DYNC2I2: variants seen among roughly 807,000 people sequenced by gnomAD.
The protein encoded by DYNC2I2 is dynein 2 intermediate chain 2, also known as cytoplasmic dynein 2 intermediate chain 2.
Under a neutral mutation model 52.0 loss-of-function variants are expected in DYNC2I2, and 39 were observed. The observed-to-expected ratio is 0.75, with a 90% CI of 0.58 to 0.98. The LOEUF is 0.98. Ranked by LOEUF, DYNC2I2 falls within the 50% of genes least tolerant of loss-of-function variation. The pLI is 0.00. For synonymous variants in DYNC2I2, 359 were observed against 321.1 expected (o/e 1.12, Z -1.26); for missense variants, 743 against 728.4 (o/e 1.02, Z -0.23).
upstream of DYNC2I2, among the ~76,000 whole-genome samples, chr9:128,657,583 G>C (rs189341885): frequency 1.2e-4 from 18 of 151,930 alleles, no homozygotes; most frequent in East Asian, 3.5e-3. Flanking sequence ...CAGGAGGATC[G>C]CTTGAAGCCA....
At chr9:128,682,876 C>T in the DYNC2I2 span, among the ~76,000 whole-genome samples, 10 of 151,182 alleles carry the variant, frequency 6.6e-5, no homozygotes, top group African/African-American at 2.2e-4. Context: ...CGGGGTTTCA[C>T]CATGTTAGCC....
At chr9:128,636,144 G>A (rs549215187) in intron 4 of DYNC2I2, 137 bp downstream of exon 4, 7 of 1,329,898 alleles carry the variant, frequency 5.3e-6, no homozygotes, top group Non-Finnish European at 7.4e-6. Context: ...ACCTTCACCT[G>A]GGCTCCAGAC....
rs1048996376 is a variant in DYNC2I2 at position 128,635,658 on chromosome 9, C to G, written c.813G>C (p.Gln271His). Residue 271 changes from glutamine (Q) to histidine (H), a missense_variant and splice_region_variant, in exon 5 of 9, where the codon CAG becomes CAC. Coordinates refer to ENST00000372715, the MANE Select transcript of DYNC2I2 (RefSeq NM_052844.4). ...TDDTHTDPVS[Q>H]VVWLPEPGHS... ...CCCGCCCGGCAGCCCCTGCCCTGAC[C>G]TGGGACACAGGGTCTGTGTGGGTGT... 1.2e-6 allele frequency: 2 copies of G among 1,604,584 alleles called. No individual in the cohort carries two copies. Among genetic ancestry groups the G allele is most frequent in the Non-Finnish European group, 1.7e-6 (2 of 1,175,484 alleles).
the DYNC2I2 span, among the ~76,000 whole-genome samples, chr9:128,666,362 A>G: frequency 1.3e-5 from 2 of 149,150 alleles, no homozygotes; most frequent in African/African-American, 2.5e-5. Flanking sequence ...AGCCTTGGTG[A>G]CAGAGTGAGA....
the DYNC2I2 span, chr9:128,683,802 T>A: frequency 2.7e-6 from 3 of 1,123,596 alleles, no homozygotes; most frequent in Admixed American, 5.0e-5. Context: ...CAGTGCAGAT[T>A]TAAGCCGCTG....
chr9:128,662,497 C>T, the DYNC2I2 span, among the ~76,000 whole-genome samples: 1 of 151,932 alleles, frequency 6.6e-6, no homozygotes, highest in Non-Finnish European at 1.5e-5. Context: ...CTGCAACCTA[C>T]TTCCTGGGTT....
At position 128,634,787 on chromosome 9, in the gene DYNC2I2, C is replaced by T. The variant is rs138690108; in HGVS notation, c.1116G>A (p.Thr372=). Residue 372 remains threonine, a synonymous_variant, in exon 7 of 9, where the codon ACG becomes ACA. Coordinates refer to ENST00000372715, the MANE Select transcript of DYNC2I2 (RefSeq NM_052844.4). ...GCAGGGGCACGGAGCTGGGCATCCG[C>T]GTGAGGGCTGCCTCTCCAGCTGCCA... ...CSLAAGEAAL[T]RMPSSVPLRA... is the part of the protein sequence containing the mutation. The T allele has an allele frequency of 8.3e-4, 1,338 of 1,611,284 alleles. 21 individuals carry two copies. In the East Asian group the frequency reaches 0.023, roughly 27 times the overall value.
intron 1 of DYNC2I2, among the ~76,000 whole-genome samples, chr9:128,656,049 TAATA>T (rs1383705125): frequency 6.6e-6 from 1 of 150,756 alleles, no homozygotes; most frequent in Non-Finnish European, 1.5e-5. Context: ...CTCTACAAGA[TAATA>T]AATAAATAAA....
intron 1 of DYNC2I2, among the ~76,000 whole-genome samples, chr9:128,649,226 C>G (rs1370297803): frequency 6.6e-6 from 1 of 151,868 alleles, no homozygotes; most frequent in East Asian, 1.9e-4. Context: ...GGGAGGCTCA[C>G]GTGAGGCCAG....
rs759978014 is a variant in DYNC2I2, at chr9:128,634,812, A to C, written c.1091T>G (p.Leu364Arg). 6.2e-7 allele frequency: 1 copy of C among 1,613,226 alleles called. No homozygotes were observed. The change falls in exon 7 of 9, where the codon CTG (leucine) becomes CGG (arginine). Residue 364 changes from leucine (L) to arginine (R), a missense_variant. Transcript: ENST00000372715. Reference sequence around the variant, plus strand: ...CGTGAGGGCTGCCTCTCCAGCTGCCAGGGAACACTTGAGCGGGAAGCCGCC... The same window carrying C: ...CGTGAGGGCTGCCTCTCCAGCTGCCCGGGAACACTTGAGCGGGAAGCCGCC... ...TEGGFPLKCSLAAGEAALTRM... is the reference protein window; with the variant it reads ...TEGGFPLKCSRAAGEAALTRM...
chr9:128,654,582 G>A (rs938798023), intron 1 of DYNC2I2, among the ~76,000 whole-genome samples: 26 of 151,652 alleles, frequency 1.7e-4, no homozygotes, highest in African/African-American at 5.1e-4. Context: ...TGTAAAGTTA[G>A]GGTCTCATTC....
intron 1 of DYNC2I2, among the ~76,000 whole-genome samples, chr9:128,647,939 A>G (rs1013822855): frequency 6.6e-6 from 1 of 152,056 alleles, no homozygotes; most frequent in Non-Finnish European, 1.5e-5. Context: ...GCCTGCAGCC[A>G]TGGAGAAACC....
At chr9:128,641,040 TGTGG>T in intron 1 of DYNC2I2, 101 bp from the exon 2 acceptor site, 1 of 1,453,888 alleles carries the variant, frequency 6.9e-7, no homozygotes, top group African/African-American at 1.4e-5. Flanking sequence ...TCCTTGCTGC[TGTGG>T]GTCTCAGGCT....
At chr9:128,649,011 C>A (rs1860674371) in intron 1 of DYNC2I2, among the ~76,000 whole-genome samples, 2 of 152,256 alleles carry the variant, frequency 1.3e-5, no homozygotes, top group Non-Finnish European at 2.9e-5. Flanking sequence ...AGGAGACTCA[C>A]CCCTGCCCTC....
the DYNC2I2 span, among the ~76,000 whole-genome samples, chr9:128,666,890 A>T: frequency 6.6e-6 from 1 of 152,060 alleles, no homozygotes; most frequent in Non-Finnish European, 1.5e-5. Flanking sequence ...AAAATGGCAA[A>T]ACCCTGTTGC....
upstream of DYNC2I2, among the ~76,000 whole-genome samples, chr9:128,661,596 C>T (rs1258316290): frequency 1.3e-5 from 2 of 151,864 alleles, no homozygotes; most frequent in African/African-American, 4.8e-5. Context: ...CCAGCCTGGG[C>T]AATAAGAGTG....
chr9:128,639,493 T>G, intron 2 of DYNC2I2, among the ~76,000 whole-genome samples: 1 of 152,144 alleles, frequency 6.6e-6, no homozygotes, highest in East Asian at 1.9e-4. Flanking sequence ...GGGTCATGAC[T>G]CTGGACTGTA....
chr9:128,634,903 C>T lies in DYNC2I2; in HGVS notation c.1000G>A (p.Glu334Lys), dbSNP rs772983607. ...KLKKHPRGET[E>K]VGATAVAFSS... ...AAGGCCACTGCCGTGGCGCCCACCT[C>T]GGTCTCCCCGCGGGGATGCTGTGGA... Residue 334 changes from glutamate to lysine, a missense_variant, in exon 7 of 9, where the codon GAG (glutamate) becomes AAG (lysine). Transcript: ENST00000372715. 8.7e-6 allele frequency: 14 copies of T among 1,612,562 alleles called. No individual in the cohort carries two copies. Among genetic ancestry groups the T allele is most frequent in the South Asian group, 1.1e-5 (1 of 91,026 alleles).
At chr9:128,643,284 T>C (rs1333845445) in intron 1 of DYNC2I2, among the ~76,000 whole-genome samples, 1 of 152,040 alleles carries the variant, frequency 6.6e-6, no homozygotes. Context: ...CCCAGCACTC[T>C]GGGAGGCTGA....
Sources: gnomAD v4.1 joint callset for allele counts (sites outside exome capture counted in the v4.1 genomes callset) on GRCh38, gnomAD v4.1.1 for gene constraint, MANE v1.5 for transcripts, NCBI Gene and HGNC (gene_info 2026-07-23, HGNC 2026-07-21) for gene names.